CLSTN2: variants seen among roughly 807,000 people sequenced by gnomAD.
CLSTN2 encodes the protein calsyntenin 2, also known as calsyntenin-2.
Under a neutral mutation model 101.2 loss-of-function variants are expected in CLSTN2, and 48 were observed. The ratio of observed to expected loss-of-function variants is 0.47; its 90% CI spans 0.38 to 0.60. The LOEUF (loss-of-function observed/expected upper bound fraction) is 0.60. Ranked by LOEUF, CLSTN2 falls within the 20% of genes least tolerant of loss-of-function variation. The pLI is 0.00. For missense variants in CLSTN2, 1,160 were observed against 1,238.2 expected (o/e 0.94, Z 0.95); for synonymous variants, 481 against 463.6 (o/e 1.04, Z -0.48).
intron 2 of CLSTN2, among the ~76,000 whole-genome samples, chr3:140,218,274 TG>T (rs1256552732): frequency 1.3e-5 from 2 of 152,262 alleles, no homozygotes; most frequent in East Asian, 3.8e-4. Flanking sequence ...GCTTTTGTTT[TG>T]CTTGTATTAA....
intron 1 of CLSTN2, among the ~76,000 whole-genome samples, chr3:140,020,892 G>A (rs926872386): frequency 6.6e-6 from 1 of 152,202 alleles, no homozygotes; most frequent in Admixed American, 6.5e-5. Flanking sequence ...CAGAGGCTTG[G>A]CAGACTGCTT....
chr3:140,430,888 T>C (rs2088622144), intron 5 of CLSTN2, among the ~76,000 whole-genome samples: 1 of 152,160 alleles, frequency 6.6e-6, no homozygotes, highest in South Asian at 2.1e-4. Context: ...ATGGTAAATA[T>C]GGAATTCAAA....
chr3:140,536,753 C>G (rs1935366578), intron 9 of CLSTN2, among the ~76,000 whole-genome samples: 2 of 152,094 alleles, frequency 1.3e-5, no homozygotes, highest in African/African-American at 4.8e-5. Flanking sequence ...TAACAGTTCA[C>G]TAGGAAGGTA....
chr3:140,171,734 T>C (rs2010225996), intron 1 of CLSTN2, among the ~76,000 whole-genome samples: 2 of 111,652 alleles, frequency 1.8e-5, no homozygotes, highest in African/African-American at 7.3e-5. Context: ...TTATATATAA[T>C]ATATTAATAT....
At chr3:140,344,749 A>T (rs997890021) in intron 2 of CLSTN2, among the ~76,000 whole-genome samples, 2 of 152,126 alleles carry the variant, frequency 1.3e-5, no homozygotes, top group Admixed American at 1.3e-4. Context: ...CACTGCATAT[A>T]TTGAATTGAC....
At chr3:140,061,244 C>T (rs369334455) in intron 1 of CLSTN2, among the ~76,000 whole-genome samples, 3 of 152,186 alleles carry the variant, frequency 2.0e-5, no homozygotes, top group Non-Finnish European at 2.9e-5. Flanking sequence ...ATTAAAGGGC[C>T]GGCAGATAAA....
rs754501382 is a variant in CLSTN2, at chr3:140,403,727, C to T, written c.331C>T (p.Pro111Ser). Residue 111 changes from proline (P) to serine (S), a missense_variant, in exon 3 of 17, where the codon CCC becomes TCC. Pro to Ser is a moderately conservative substitution (Grantham distance 74, BLOSUM62 -1). Coordinates refer to ENST00000458420, the MANE Select transcript of CLSTN2 (RefSeq NM_022131.3). Reference protein sequence around the residue: ...SGEGRLRAKSPIDCELQKEYT... With the variant: ...SGEGRLRAKSSIDCELQKEYT... ...AGAGGGCCGGCTCCGTGCCAAGAGC[C>T]CCATTGACTGTGAGTTGCAGAAGGA... 4.3e-6 allele frequency: 7 copies of T among 1,614,132 alleles called. No individual in the cohort carries two copies. The Admixed American group carries it at 8.3e-5, about 19-fold the overall frequency.
In CLSTN2 at chr3:140,569,987, A is replaced by G. The variant is rs1559908358; in HGVS notation, c.*3734A>G. The G allele has an allele frequency of 6.6e-6, 1 of 152,110 alleles. No homozygotes were observed. Among genetic ancestry groups the G allele is most frequent in the Non-Finnish European group, 1.5e-5 (1 of 68,036 alleles). 9.4% of individuals were successfully genotyped at this position (152,110 alleles called of 1,614,324 possible). On this transcript the variant is annotated 3_prime_UTR_variant, in exon 17 of 17. Coordinates refer to ENST00000458420, the MANE Select transcript of CLSTN2 (RefSeq NM_022131.3). ...GCCACCGCACCCAGCCCTCATTACC[A>G]CTTTCTTGAATTTACTCAATCATCC...
chr3:140,267,261 A>G (rs2086700919), intron 2 of CLSTN2, among the ~76,000 whole-genome samples: 1 of 152,162 alleles, frequency 6.6e-6, no homozygotes, highest in Non-Finnish European at 1.5e-5. Context: ...ATCTTTCCTT[A>G]AAAAGCAGAA....
In CLSTN2 at chr3:140,543,749, G is replaced by C. The variant is rs184415929; in HGVS notation, c.1508-2766G>C. Among the ~76,000 whole-genome samples, 39 of 152,310 alleles carry C rather than the reference G, an allele frequency of 2.6e-4. 1 individual carries two copies. The East Asian group carries it at 5.4e-3, about 21-fold the overall frequency. ...GGAAAGAGAGCAAGAATTTGTTCCA[G>C]AAACTTTCAGAAGAGAAAAAATGGA... On this transcript the variant is annotated intron_variant, in intron 9 of 16. Coordinates refer to ENST00000458420, the MANE Select transcript of CLSTN2 (RefSeq NM_022131.3).
intron 10 of CLSTN2, among the ~76,000 whole-genome samples, chr3:140,554,943 A>G (rs1935766964): frequency 6.6e-6 from 1 of 152,260 alleles, no homozygotes; most frequent in Non-Finnish European, 1.5e-5. Flanking sequence ...TTCACTGATT[A>G]TATATTTATA....
chr3:140,015,354 C>T (rs552748192), intron 1 of CLSTN2, among the ~76,000 whole-genome samples: 1 of 152,280 alleles, frequency 6.6e-6, no homozygotes, highest in African/African-American at 2.4e-5. Flanking sequence ...TCCCCCAACA[C>T]TATGATGATG....
intron 2 of CLSTN2, among the ~76,000 whole-genome samples, chr3:140,334,693 G>T (rs929421708): frequency 3.3e-5 from 5 of 152,196 alleles, no homozygotes; most frequent in African/African-American, 1.2e-4. Flanking sequence ...TTATCCCAGA[G>T]CAATCAAGAA....
Position 140,244,173 on chromosome 3 carries a change from G to T in CLSTN2, c.232+68100G>T, listed in dbSNP as rs1227135546. On this transcript the variant is annotated intron_variant, in intron 2 of 16. Coordinates refer to ENST00000458420, the MANE Select transcript of CLSTN2 (RefSeq NM_022131.3). ...CAGGGTTATGTAGCAACATGCCAGA[G>T]GTCTCCTTGTACTGCCTGCACCTGG... is the stretch of plus-strand genomic sequence containing the variant. 2.0e-5 allele frequency among the ~76,000 whole-genome samples: 3 copies of T among 152,198 alleles called. No homozygotes were observed. The East Asian group carries it at 5.8e-4, about 29-fold the overall frequency.
At chr3:140,198,621 G>A (rs2010678720) in intron 2 of CLSTN2, among the ~76,000 whole-genome samples, 1 of 152,162 alleles carries the variant, frequency 6.6e-6, no homozygotes, top group African/African-American at 2.4e-5. Flanking sequence ...CATATGCCAA[G>A]CACTTTATTT....
At chr3:140,414,693 G>T (rs1471346589) in intron 4 of CLSTN2, among the ~76,000 whole-genome samples, 2 of 151,844 alleles carry the variant, frequency 1.3e-5, no homozygotes, top group East Asian at 3.9e-4. Context: ...AAACCCACTT[G>T]TACCCCTAAA....
chr3:140,258,602 A>T (rs1051560211), intron 2 of CLSTN2, among the ~76,000 whole-genome samples: 3 of 152,228 alleles, frequency 2.0e-5, no homozygotes, highest in African/African-American at 7.2e-5. Context: ...TCAAAGCTGA[A>T]GGAAGGATAA....
In CLSTN2 at chr3:140,179,911, T is replaced by G. The variant is rs536937063; in HGVS notation, c.232+3838T>G. Among the ~76,000 whole-genome samples the G allele has an allele frequency of 2.0e-5, 3 of 152,250 alleles. No homozygotes were observed. In the South Asian group the frequency reaches 6.2e-4, roughly 32 times the overall value. On this transcript the variant is annotated intron_variant, in intron 2 of 16. Transcript: ENST00000458420. ...TTTAGTTGGCCAAACATTTTAAAGG[T>G]TGTAAAACATGTTAAATTGCTTTCC... is the stretch of plus-strand genomic sequence containing the variant.
At chr3:140,536,840 G>C (rs919701606) in intron 9 of CLSTN2, among the ~76,000 whole-genome samples, 1 of 152,180 alleles carries the variant, frequency 6.6e-6, no homozygotes, top group Non-Finnish European at 1.5e-5. Context: ...TGGAATGTAC[G>C]TGAACCAGAA....
Sources: allele counts gnomAD v4.1 joint callset (sites outside exome capture counted in the v4.1 genomes callset), GRCh38; gene constraint gnomAD v4.1.1; transcripts MANE v1.5; gene names NCBI Gene and HGNC (gene_info 2026-07-23, HGNC 2026-07-21).